Variants in KCNH8 observed in about 807,000 individuals in gnomAD.
KCNH8 encodes potassium voltage-gated channel subfamily H member 8.
KCNH8 carries 70 observed loss-of-function variants against 103.6 expected under a neutral mutation model. That is an observed-to-expected ratio of 0.68 (90% CI 0.56 to 0.82). The LOEUF is 0.82. KCNH8 is among the 40% of genes least tolerant of loss of function. The pLI is 0.00. For synonymous variants in KCNH8, 498 were observed against 489.4 expected (o/e 1.02, Z -0.23); for missense variants, 1,217 against 1,329.9 (o/e 0.92, Z 1.32).
At chr3:19,400,454 C>G (rs2066596067) in intron 7 of KCNH8, among the ~76,000 whole-genome samples, 1 of 151,656 alleles carries the variant, frequency 6.6e-6, no homozygotes, top group African/African-American at 2.4e-5. Context: ...ACCTTATGTT[C>G]TTTTTCAAAA....
chr3:19,298,752 C>G (rs2065026314), intron 3 of KCNH8, among the ~76,000 whole-genome samples: 2 of 151,748 alleles, frequency 1.3e-5, no homozygotes, highest in Middle Eastern at 3.2e-3. Flanking sequence ...GAAACCCCGT[C>G]TCTACTAAAA....
intron 8 of KCNH8, among the ~76,000 whole-genome samples, chr3:19,442,759 A>G (rs1393963839): frequency 6.6e-6 from 1 of 152,150 alleles, no homozygotes; most frequent in African/African-American, 2.4e-5. Context: ...ATAATTTTAT[A>G]TTATTGTGAA....
chr3:19,243,419 T>G (rs1435049546), intron 1 of KCNH8, among the ~76,000 whole-genome samples: 1 of 152,184 alleles, frequency 6.6e-6, no homozygotes, highest in Non-Finnish European at 1.5e-5. Context: ...GACCATCAAA[T>G]TAGTTTAGTC....
intron 1 of KCNH8, among the ~76,000 whole-genome samples, chr3:19,243,267 T>C (rs901980678): frequency 1.3e-5 from 2 of 152,186 alleles, no homozygotes; most frequent in Non-Finnish European, 2.9e-5. Context: ...TATTGTCTTC[T>C]TCTTGCCTCG....
chr3:19,494,115 G>A (rs903502302), intron 11 of KCNH8, among the ~76,000 whole-genome samples: 1 of 152,206 alleles, frequency 6.6e-6, no homozygotes, highest in Non-Finnish European at 1.5e-5. Flanking sequence ...TCGTGTGTTA[G>A]TTTGCTTAGG....
At chr3:19,252,896 A>G (rs1394718705) in intron 1 of KCNH8, among the ~76,000 whole-genome samples, 2 of 151,876 alleles carry the variant, frequency 1.3e-5, no homozygotes, top group East Asian at 3.9e-4. Flanking sequence ...CTTATATACC[A>G]CTGTTTTCTG....
At chr3:19,173,593 A>C (rs1451217398) in intron 1 of KCNH8, among the ~76,000 whole-genome samples, 1 of 152,140 alleles carries the variant, frequency 6.6e-6, no homozygotes, top group Non-Finnish European at 1.5e-5. Flanking sequence ...TAAGCGATTT[A>C]GAGAAGTCAG....
chr3:19,278,543 GAGGA>G (rs1230384958), intron 2 of KCNH8, among the ~76,000 whole-genome samples: 2 of 117,106 alleles, frequency 1.7e-5, no homozygotes, highest in East Asian at 2.9e-4. Flanking sequence ...GGAAATAAGG[GAGGA>G]AGGGAGGGAG....
intron 3 of KCNH8, among the ~76,000 whole-genome samples, chr3:19,315,600 C>T (rs1335155391): frequency 6.6e-6 from 1 of 151,892 alleles, no homozygotes; most frequent in Non-Finnish European, 1.5e-5. Context: ...ATTTAGATGA[C>T]CTTAAAAATG....
chr3:19,404,331 T>C (rs2066659936), intron 7 of KCNH8, among the ~76,000 whole-genome samples: 3 of 152,000 alleles, frequency 2.0e-5, no homozygotes, highest in Admixed American at 6.6e-5. Context: ...TTCTCAGCTT[T>C]CAAGGAATAC....
At chr3:19,177,071 G>C (rs1160962641) in intron 1 of KCNH8, among the ~76,000 whole-genome samples, 2 of 151,990 alleles carry the variant, frequency 1.3e-5, no homozygotes, top group Admixed American at 1.3e-4. Context: ...CTTGCTCTTA[G>C]CAACACTAGA....
intron 3 of KCNH8, among the ~76,000 whole-genome samples, chr3:19,340,826 A>G (rs940704640): frequency 2.0e-5 from 3 of 152,180 alleles, no homozygotes; most frequent in Non-Finnish European, 4.4e-5. Context: ...GGTCTGCAGC[A>G]AACTCAGTGC....
chr3:19,156,255 G>A (rs1294224494), intron 1 of KCNH8, among the ~76,000 whole-genome samples: 2 of 152,142 alleles, frequency 1.3e-5, no homozygotes, highest in Non-Finnish European at 2.9e-5. Context: ...CAAGGTGGAA[G>A]GCAGCACCCA....
At chr3:19,381,044 G>A (rs756535545) in intron 5 of KCNH8, among the ~76,000 whole-genome samples, 7 of 152,018 alleles carry the variant, frequency 4.6e-5, no homozygotes, top group Admixed American at 1.3e-4. Context: ...AGAACACCTC[G>A]TATTTATAAC....
chr3:19,259,968 G>T (rs1380829552), intron 2 of KCNH8, among the ~76,000 whole-genome samples: 1 of 151,680 alleles, frequency 6.6e-6, no homozygotes, highest in African/African-American at 2.4e-5. Flanking sequence ...TGGAAATAGG[G>T]AGGGCTGAAG....
intron 3 of KCNH8, among the ~76,000 whole-genome samples, chr3:19,322,339 G>A (rs538268986): frequency 1.4e-4 from 21 of 152,034 alleles, no homozygotes; most frequent in Admixed American, 3.3e-4. Context: ...GATTTGTTTC[G>A]AAATTTAAAG....
At chr3:19,449,691 A>G (rs1035015913) in intron 8 of KCNH8, among the ~76,000 whole-genome samples, 7 of 152,156 alleles carry the variant, frequency 4.6e-5, no homozygotes, top group African/African-American at 1.7e-4. Flanking sequence ...TTATTAAACT[A>G]TAACTTTATA....
intron 3 of KCNH8, among the ~76,000 whole-genome samples, chr3:19,341,852 A>C (rs17005834): frequency 0.047 from 7,216 of 152,130 alleles, 213 homozygotes; most frequent in East Asian, 0.13. Context: ...GGTACTGTAA[A>C]TTGCTAGAAT....
chr3:19,358,941 A>AT (rs1186940801), intron 5 of KCNH8, among the ~76,000 whole-genome samples: 1 of 151,932 alleles, frequency 6.6e-6, no homozygotes, highest in Non-Finnish European at 1.5e-5. Context: ...AATATGAAAT[A>AT]TTACTAATCC....
Sources: gnomAD v4.1 joint callset for allele counts (sites outside exome capture counted in the v4.1 genomes callset) on GRCh38, gnomAD v4.1.1 for gene constraint, MANE v1.5 for transcripts, NCBI Gene and HGNC (gene_info 2026-07-23, HGNC 2026-07-21) for gene names.